Variants in DPP10 observed in about 807,000 individuals in gnomAD.
DPP10 encodes dipeptidyl peptidase like 10.
A neutral mutation model predicts 120.9 loss-of-function variants in DPP10; 33 were observed. The ratio of observed to expected loss-of-function variants is 0.27; its 90% CI spans 0.21 to 0.37. The LOEUF (loss-of-function observed/expected upper bound fraction) is 0.37. Among genes scored for constraint, DPP10 ranks in the 10% least tolerant of loss-of-function variants. The pLI is 1.00. For missense variants in DPP10, 816 were observed against 942.8 expected (o/e 0.87, Z 1.76); for synonymous variants, 337 against 326.1 (o/e 1.03, Z -0.36).
intron 21 of DPP10, among the ~76,000 whole-genome samples, chr2:115,829,916 A>C (rs1291932925): frequency 6.6e-6 from 1 of 152,158 alleles, no homozygotes; most frequent in Admixed American, 6.5e-5. Context: ...TGAAGACATT[A>C]AGCAACTTTA....
At chr2:115,643,211 A>G (rs1382108133) in intron 5 of DPP10, among the ~76,000 whole-genome samples, 4 of 151,958 alleles carry the variant, frequency 2.6e-5, no homozygotes, top group Non-Finnish European at 2.9e-5. Context: ...GGTTAGTTTT[A>G]TATAAACTGT....
chr2:115,064,841 T>C (rs1349844454), intron 1 of DPP10: 2 of 1,303,548 alleles, frequency 1.5e-6, no homozygotes, highest in Middle Eastern at 2.1e-4. Context: ...TTAGTCTTCT[T>C]TCTAGCAGGG....
chr2:115,785,043 A>T (rs912982236), intron 17 of DPP10, among the ~76,000 whole-genome samples: 1 of 152,182 alleles, frequency 6.6e-6, no homozygotes, highest in Non-Finnish European at 1.5e-5. Flanking sequence ...TTAACTCTCA[A>T]TTCTTCTCTT....
chr2:115,062,059 T>C (rs1041088348), intron 1 of DPP10, among the ~76,000 whole-genome samples: 1 of 151,752 alleles, frequency 6.6e-6, no homozygotes, highest in Non-Finnish European at 1.5e-5. Flanking sequence ...TTTGAAATAA[T>C]ATATTAAAAT....
At chr2:115,636,341 A>G (rs1325818984) in intron 5 of DPP10, among the ~76,000 whole-genome samples, 1 of 152,220 alleles carries the variant, frequency 6.6e-6, no homozygotes, top group Non-Finnish European at 1.5e-5. Context: ...ATGAAGTTGC[A>G]TGACAGACCG....
intron 3 of DPP10, among the ~76,000 whole-genome samples, chr2:115,486,557 C>T (rs1446940127): frequency 6.6e-6 from 1 of 152,026 alleles, no homozygotes; most frequent in Non-Finnish European, 1.5e-5. Flanking sequence ...TTACATCTTT[C>T]CTTTGCCTGG....
intron 7 of DPP10, among the ~76,000 whole-genome samples, chr2:115,702,974 C>T (rs968871500): frequency 6.6e-6 from 1 of 151,718 alleles, no homozygotes; most frequent in East Asian, 1.9e-4. Flanking sequence ...ACAAATGTAG[C>T]CTTATAAAGG....
intron 1 of DPP10, among the ~76,000 whole-genome samples, chr2:115,125,534 T>G (rs1573704399): frequency 6.6e-6 from 1 of 150,660 alleles, no homozygotes; most frequent in African/African-American, 2.4e-5. Context: ...CTTCCTCAAA[T>G]AGTGAGCCAC....
At chr2:115,344,017 T>C in intron 3 of DPP10, 105 bp downstream of exon 3, 1 of 833,826 alleles carries the variant, frequency 1.2e-6, no homozygotes, top group African/African-American at 1.8e-5. Context: ...ATGCCTGTCA[T>C]CCCAGCACCT....
chr2:115,371,378 C>CT (rs2065399312), intron 3 of DPP10, among the ~76,000 whole-genome samples: 1 of 152,070 alleles, frequency 6.6e-6, no homozygotes, highest in African/African-American at 2.4e-5. Context: ...GCAAACTCAC[C>CT]TTTTTTAAGA....
At chr2:115,764,590 T>C (rs1263338862) in intron 12 of DPP10, among the ~76,000 whole-genome samples, 1 of 152,156 alleles carries the variant, frequency 6.6e-6, no homozygotes, top group East Asian at 1.9e-4. Flanking sequence ...GTGACATTCA[T>C]AATAGTTTAA....
chr2:114,466,837 A>G (rs1558783370), intron 1 of DPP10, among the ~76,000 whole-genome samples: 1 of 152,170 alleles, frequency 6.6e-6, no homozygotes, highest in Non-Finnish European at 1.5e-5. Flanking sequence ...TGAGGTCAAG[A>G]GTTCAAGACC....
chr2:115,490,040 G>C (rs556366737), intron 3 of DPP10, among the ~76,000 whole-genome samples: 119 of 152,118 alleles, frequency 7.8e-4, no homozygotes, highest in African/African-American at 2.6e-3. Flanking sequence ...GAAAATCTTT[G>C]ACCCCACTGA....
At chr2:115,813,417 T>G (rs907346591) in intron 19 of DPP10, among the ~76,000 whole-genome samples, 5 of 152,154 alleles carry the variant, frequency 3.3e-5, no homozygotes, top group African/African-American at 7.2e-5. Flanking sequence ...CTAGAGTCTT[T>G]TGTGTGTGCA....
intron 5 of DPP10, among the ~76,000 whole-genome samples, chr2:115,571,185 A>T (rs946900763): frequency 3.3e-5 from 5 of 152,216 alleles, no homozygotes; most frequent in African/African-American, 1.2e-4. Flanking sequence ...AAAAACTATC[A>T]AAGTAGCCAA....
intron 5 of DPP10, among the ~76,000 whole-genome samples, chr2:115,631,731 T>TTCTTGATCCTA (rs1367787789): frequency 6.6e-6 from 1 of 152,216 alleles, no homozygotes; most frequent in Non-Finnish European, 1.5e-5. Context: ...TTGAGTGAGT[T>TTCTTGATCCTA]TCTTGATCCT....
At chr2:115,048,704 A>C (rs947956835) in intron 1 of DPP10, among the ~76,000 whole-genome samples, 2 of 152,136 alleles carry the variant, frequency 1.3e-5, no homozygotes, top group African/African-American at 4.8e-5. Context: ...ATAACAGTGC[A>C]CTTTCTACAT....
At chr2:115,679,322 G>C (rs2090494047) in intron 5 of DPP10, among the ~76,000 whole-genome samples, 1 of 152,106 alleles carries the variant, frequency 6.6e-6, no homozygotes, top group Non-Finnish European at 1.5e-5. Flanking sequence ...TGAATCATGG[G>C]AGCAGTTACC....
At chr2:115,716,347 G>A (rs1237750625) in intron 7 of DPP10, among the ~76,000 whole-genome samples, 1 of 152,096 alleles carries the variant, frequency 6.6e-6, no homozygotes, top group Non-Finnish European at 1.5e-5. Flanking sequence ...AAGTTATTAG[G>A]GCATATTGTG....
Sources: gnomAD v4.1 joint callset for allele counts (sites outside exome capture counted in the v4.1 genomes callset) on GRCh38, gnomAD v4.1.1 for gene constraint, MANE v1.5 for transcripts, NCBI Gene and HGNC (gene_info 2026-07-23, HGNC 2026-07-21) for gene names.